Variants in RARB observed in about 807,000 individuals in gnomAD.
The protein encoded by RARB is retinoic acid receptor beta, also known as HBV-activated protein.
RARB carries 17 observed loss-of-function variants against 51.9 expected under a neutral mutation model. That is an observed-to-expected ratio of 0.33 (90% CI 0.22 to 0.49). The LOEUF is 0.49. Ranked by LOEUF, RARB falls within the 20% of genes least tolerant of loss-of-function variation. RARB has a pLI of 0.99. For missense variants in RARB, 369 were observed against 550.8 expected (o/e 0.67, Z 3.30); for synonymous variants, 215 against 195.4 (o/e 1.10, Z -0.84).
At chr3:25,115,192 C>A (rs1474366614) in intron 3 of RARB, among the ~76,000 whole-genome samples, 2 of 152,066 alleles carry the variant, frequency 1.3e-5, no homozygotes, top group African/African-American at 2.4e-5. Context: ...CCATGTTTTA[C>A]TAAAAAAATG....
At chr3:25,536,005 A>C (rs761043336) in intron 3 of RARB, among the ~76,000 whole-genome samples, 1 of 152,190 alleles carries the variant, frequency 6.6e-6, no homozygotes, top group Admixed American at 6.5e-5. Context: ...ATACAGAGAA[A>C]GCTATTAGCG....
At chr3:25,223,068 T>A (rs1170819338) in intron 5 of RARB, among the ~76,000 whole-genome samples, 3 of 152,198 alleles carry the variant, frequency 2.0e-5, no homozygotes, top group African/African-American at 7.2e-5. Flanking sequence ...CCTGTGTGAA[T>A]AAATTTTGAT....
chr3:24,919,614 C>T (rs1695178232), intron 2 of RARB, among the ~76,000 whole-genome samples: 1 of 152,186 alleles, frequency 6.6e-6, no homozygotes, highest in South Asian at 2.1e-4. Context: ...CTGGAGGCTG[C>T]CCAATTAGTG....
At chr3:24,994,035 T>G (rs1247562059) in intron 2 of RARB, among the ~76,000 whole-genome samples, 9 of 152,212 alleles carry the variant, frequency 5.9e-5, no homozygotes, top group Non-Finnish European at 8.8e-5. Flanking sequence ...GTGGAATTGC[T>G]GGGGCATATG....
At chr3:24,951,128 A>G (rs1009798454) in intron 2 of RARB, among the ~76,000 whole-genome samples, 1 of 152,116 alleles carries the variant, frequency 6.6e-6, no homozygotes, top group Non-Finnish European at 1.5e-5. Context: ...GGGCAGGGAG[A>G]GAAGCTTATC....
chr3:24,971,522 G>T (rs1344051522), intron 2 of RARB, among the ~76,000 whole-genome samples: 1 of 152,050 alleles, frequency 6.6e-6, no homozygotes, highest in Non-Finnish European at 1.5e-5. Context: ...AGTATTCCTT[G>T]TAATGATGTT....
chr3:25,491,071 C>T (rs549385598), intron 2 of RARB, among the ~76,000 whole-genome samples: 9 of 152,288 alleles, frequency 5.9e-5, no homozygotes, highest in African/African-American at 2.2e-4. Flanking sequence ...GGTAACTACT[C>T]AACCTCATAC....
chr3:25,537,372 CA>C (rs1341833228), intron 3 of RARB, among the ~76,000 whole-genome samples: 1 of 152,206 alleles, frequency 6.6e-6, no homozygotes, highest in African/African-American at 2.4e-5. Context: ...CTCTGCTTTT[CA>C]AAATTGGTTG....
chr3:25,453,790 C>T (rs551376737), intron 1 of RARB, among the ~76,000 whole-genome samples: 263 of 152,272 alleles, frequency 1.7e-3, no homozygotes, highest in African/African-American at 6.1e-3. Flanking sequence ...TTTAGGGTCA[C>T]GGGCAGGTTA....
At chr3:25,315,382 G>A (rs322662) in intron 5 of RARB, among the ~76,000 whole-genome samples, 55,418 of 151,900 alleles carry the variant, frequency 0.36, 10,808 homozygotes, top group African/African-American at 0.49. Flanking sequence ...ATACTTTTTC[G>A]AATTGTAGAC....
intron 3 of RARB, among the ~76,000 whole-genome samples, chr3:25,538,277 T>C (rs1035343184): frequency 1.3e-5 from 2 of 152,198 alleles, no homozygotes; most frequent in African/African-American, 2.4e-5. Context: ...AGAACTTTCT[T>C]GTTATTCCCA....
intron 2 of RARB, among the ~76,000 whole-genome samples, chr3:24,940,378 G>T (rs866672449): frequency 6.6e-6 from 1 of 152,154 alleles, no homozygotes; most frequent in East Asian, 1.9e-4. Context: ...AGGAGATTCA[G>T]TGTGGAAAGG....
intron 4 of RARB, among the ~76,000 whole-genome samples, chr3:25,158,926 G>A (rs1700424232): frequency 6.6e-6 from 1 of 152,148 alleles, no homozygotes; most frequent in Non-Finnish European, 1.5e-5. Context: ...GAAAAATTCT[G>A]TAGGCGATTT....
chr3:25,066,620 C>A (rs1698668279), intron 3 of RARB, among the ~76,000 whole-genome samples: 1 of 151,820 alleles, frequency 6.6e-6, no homozygotes, highest in South Asian at 2.1e-4. Context: ...CACACACACA[C>A]ACACACACAC....
chr3:25,449,589 G>A (rs532794663), intron 1 of RARB, among the ~76,000 whole-genome samples: 1 of 152,172 alleles, frequency 6.6e-6, no homozygotes, highest in Admixed American at 6.5e-5. Flanking sequence ...CAACATGGGG[G>A]TCAGACCCAT....
chr3:25,009,086 T>A (rs1697339520), intron 2 of RARB, among the ~76,000 whole-genome samples: 1 of 152,158 alleles, frequency 6.6e-6, no homozygotes, highest in Non-Finnish European at 1.5e-5. Context: ...CTAATTTGGC[T>A]TGTCCCTCTA....
At chr3:24,926,338 G>A (rs966935237) in intron 2 of RARB, among the ~76,000 whole-genome samples, 13 of 152,068 alleles carry the variant, frequency 8.5e-5, no homozygotes, top group African/African-American at 3.1e-4. Flanking sequence ...TCAAGGTATT[G>A]TTTCACAGGA....
chr3:25,070,941 C>T (rs1698755057), intron 3 of RARB, among the ~76,000 whole-genome samples: 1 of 152,120 alleles, frequency 6.6e-6, no homozygotes, highest in South Asian at 2.1e-4. Context: ...AAAGCGTAGC[C>T]AGAGTGAATT....
chr3:25,105,071 A>T (rs867838207), intron 3 of RARB, among the ~76,000 whole-genome samples: 76 of 152,356 alleles, frequency 5.0e-4, no homozygotes, highest in South Asian at 2.1e-3. Context: ...AAAATATTTT[A>T]AAAATTCTTG....
Sources: gnomAD v4.1 joint callset for allele counts (sites outside exome capture counted in the v4.1 genomes callset) on GRCh38, gnomAD v4.1.1 for gene constraint, MANE v1.5 for transcripts, NCBI Gene and HGNC (gene_info 2026-07-23, HGNC 2026-07-21) for gene names.